Variants in DOCK7 observed in about 807,000 individuals in gnomAD.
The protein encoded by DOCK7 is dedicator of cytokinesis protein 7.
In DOCK7, 138 loss-of-function variants were observed where a neutral mutation model predicts 271.0. That is an observed-to-expected ratio of 0.51 (90% CI 0.44 to 0.59). DOCK7 has a LOEUF of 0.59. DOCK7 is among the 20% of genes least tolerant of loss of function. The pLI is 0.00. For missense variants in DOCK7, 2,066 were observed against 2,592.4 expected (o/e 0.80, Z 4.41); for synonymous variants, 823 against 876.1 (o/e 0.94, Z 1.07).
intron 42 of DOCK7, chr1:62,488,065 T>C (rs1210862786): frequency 1.3e-5 from 2 of 152,278 alleles, no homozygotes; most frequent in African/African-American, 2.4e-5. Flanking sequence ...GCTTAATTCA[T>C]TGCAAAAAAG....
chr1:62,507,851 G>T, intron 35 of DOCK7, 111 bp downstream of exon 35: 1 of 940,490 alleles, frequency 1.1e-6, no homozygotes. Context: ...AAACTTTTAG[G>T]AACTACCAAT....
At chr1:62,601,302 C>CAATG in intron 14 of DOCK7, 1 of 815,062 alleles carries the variant, frequency 1.2e-6, no homozygotes. Context: ...CCATCAAATA[C>CAATG]AATGTATCAA....
chr1:62,675,146 G>A (rs143136856), intron 1 of DOCK7, among the ~76,000 whole-genome samples: 2 of 152,320 alleles, frequency 1.3e-5, no homozygotes, highest in East Asian at 3.9e-4. Flanking sequence ...CAGGCATGGT[G>A]GTGCATGCAT....
intron 7 of DOCK7, among the ~76,000 whole-genome samples, chr1:62,638,566 AAT>A (rs1043349816): frequency 2.7e-5 from 4 of 146,362 alleles, no homozygotes; most frequent in African/African-American, 7.6e-5. Flanking sequence ...TTTTTTCATG[AAT>A]ATATATTTTC....
chr1:62,481,389 T>C (rs1267664655), intron 43 of DOCK7: 1 of 152,178 alleles, frequency 6.6e-6, no homozygotes, highest in Non-Finnish European at 1.5e-5. Context: ...TTTGACTATT[T>C]TCAACTTACA....
chr1:62,534,471 C>T lies in DOCK7; in HGVS notation c.3611+1022G>A, dbSNP rs777206527. Among the ~76,000 whole-genome samples, 4 of 151,792 alleles carry T rather than the reference C, an allele frequency of 2.6e-5. No homozygotes were observed. The East Asian group carries it at 5.9e-4, about 22-fold the overall frequency. ...TTCTACTAAAATTACAAAAATTAGC[C>T]GGGAGTGGTGGCACGCGCCTGTAGT... On this transcript the variant is annotated intron_variant, in intron 29 of 49. Coordinates refer to ENST00000635253, the MANE Select transcript of DOCK7 (RefSeq NM_001367561.1).
chr1:62,564,914 T>G (rs942318360), intron 18 of DOCK7, among the ~76,000 whole-genome samples: 1 of 152,104 alleles, frequency 6.6e-6, no homozygotes, highest in Non-Finnish European at 1.5e-5. Flanking sequence ...GGGAATACTA[T>G]AAACACCTCT....
chr1:62,681,902 G>A (rs1661212351), intron 1 of DOCK7, among the ~76,000 whole-genome samples: 1 of 152,094 alleles, frequency 6.6e-6, no homozygotes, highest in Non-Finnish European at 1.5e-5. Flanking sequence ...AAAAAGAGAA[G>A]AAAACATTTT....
At chr1:62,668,310 G>C (rs1421449746) in intron 1 of DOCK7, among the ~76,000 whole-genome samples, 1 of 152,156 alleles carries the variant, frequency 6.6e-6, no homozygotes, top group Non-Finnish European at 1.5e-5. Context: ...CTAAGTTTTA[G>C]TGTAAAAAAG....
chr1:62,500,735 T>C (rs1646757616), intron 37 of DOCK7, among the ~76,000 whole-genome samples: 1 of 152,220 alleles, frequency 6.6e-6, no homozygotes, highest in Non-Finnish European at 1.5e-5. Flanking sequence ...GGTACTCAAG[T>C]ACCCTTTTTT....
chr1:62,458,086 G>A (rs1170196237), intron 48 of DOCK7: 2 of 200,188 alleles, frequency 1.0e-5, no homozygotes, highest in Non-Finnish European at 2.1e-5. Context: ...AGGAAGTGGA[G>A]AATGCAGTGA....
At position 62,475,330 on chromosome 1, in the gene DOCK7, C is replaced by G. The variant is rs1010562693; in HGVS notation, c.5983G>C (p.Val1995Leu). 6.8e-6 allele frequency: 11 copies of G among 1,613,656 alleles called. No individual in the cohort carries two copies. The highest frequency in any genetic ancestry group is 9.3e-6 in the Non-Finnish European group (11 of 1,179,906). Residue 1995 changes from valine (V) to leucine (L), a missense_variant, in exon 47 of 50, where the codon GTT becomes CTT. Transcript: ENST00000635253. ...TTTTTCTGCATGTCCTCAATAGCAA[C>G]TTCAATTGGTGTTAAGATGATCTGA... ...KEEIILTPIE[V>L]AIEDMQKKTQ...
chr1:62,487,331 G>A, intron 43 of DOCK7, 67 bp downstream of exon 43: 3 of 1,508,890 alleles, frequency 2.0e-6, no homozygotes, highest in Non-Finnish European at 2.8e-6. Context: ...TGTGGGCAAA[G>A]CATTGGCATA....
intron 11 of DOCK7, among the ~76,000 whole-genome samples, chr1:62,630,081 G>A (rs1407106987): frequency 6.6e-6 from 1 of 152,168 alleles, no homozygotes; most frequent in Non-Finnish European, 1.5e-5. Flanking sequence ...TGACCCTATG[G>A]TCTAAAAAGA....
intron 31 of DOCK7, among the ~76,000 whole-genome samples, chr1:62,524,136 C>T (rs1627591): frequency 0.58 from 88,692 of 152,040 alleles, 27,539 homozygotes; most frequent in East Asian, 0.76. Flanking sequence ...GCACACCGCA[C>T]AAGTCTTCGG....
chr1:62,648,562 T>C lies in DOCK7; in HGVS notation c.390-18A>G. ...TATGATATCTATTAAAGAAAAAAAG[T>C]TAAATAAATATCAACTATCAAACTT... On this transcript the variant is annotated intron_variant, in intron 4 of 49. Coordinates refer to ENST00000635253, the MANE Select transcript of DOCK7 (RefSeq NM_001367561.1). 1.6e-6 allele frequency: 2 copies of C among 1,214,656 alleles called. No homozygotes were observed. Among genetic ancestry groups the C allele is most frequent in the Non-Finnish European group, 2.2e-6 (2 of 916,384 alleles). 75.2% of individuals were successfully genotyped at this position (1,214,656 alleles called of 1,614,324 possible).
chr1:62,472,351 C>A (rs1370873211), intron 48 of DOCK7, among the ~76,000 whole-genome samples: 1 of 152,088 alleles, frequency 6.6e-6, no homozygotes, highest in East Asian at 1.9e-4. Flanking sequence ...GTGATCCACC[C>A]GCCTCGGCCT....
intron 43 of DOCK7, chr1:62,483,525 C>G (rs1646200745): frequency 6.6e-6 from 1 of 151,522 alleles, no homozygotes; most frequent in African/African-American, 2.4e-5. Flanking sequence ...TTCTTCATAT[C>G]TAACTTTACC....
In DOCK7 at chr1:62,549,189, G is replaced by A. The variant is rs981008675; in HGVS notation, c.2766+3543C>T. 2.6e-5 allele frequency among the ~76,000 whole-genome samples: 4 copies of A among 152,104 alleles called. No homozygotes were observed. The South Asian group carries it at 6.2e-4, about 24-fold the overall frequency. On this transcript the variant is annotated intron_variant, in intron 22 of 49. Coordinates refer to ENST00000635253, the MANE Select transcript of DOCK7 (RefSeq NM_001367561.1). Reference sequence around the variant, plus strand: ...GAAACTAACAGAATGTAGTACCCTGGAAGCCAAATAAATGAATAAATCACA... The same window carrying A: ...GAAACTAACAGAATGTAGTACCCTGAAAGCCAAATAAATGAATAAATCACA...
Sources: gnomAD v4.1 joint callset for allele counts (sites outside exome capture counted in the v4.1 genomes callset) on GRCh38, gnomAD v4.1.1 for gene constraint, MANE v1.5 for transcripts, NCBI Gene and HGNC (gene_info 2026-07-23, HGNC 2026-07-21) for gene names.